Variants in RUFY3 observed in about 807,000 individuals in gnomAD.
RUFY3 encodes protein RUFY3.
RUFY3 carries 34 observed loss-of-function variants against 84.0 expected under a neutral mutation model. The observed-to-expected ratio is 0.40, with a 90% confidence interval of 0.31 to 0.54. The LOEUF is 0.54. Ranked by LOEUF, RUFY3 falls within the 20% of genes least tolerant of loss-of-function variation. RUFY3 has a pLI of 0.39. For synonymous variants in RUFY3, 242 were observed against 252.9 expected (o/e 0.96, Z 0.41); for missense variants, 507 against 736.8 (o/e 0.69, Z 3.61).
intron 1 of RUFY3, among the ~76,000 whole-genome samples, chr4:70,732,385 G>C (rs1341647077): frequency 6.6e-6 from 1 of 152,164 alleles, no homozygotes; most frequent in East Asian, 1.9e-4. Flanking sequence ...GGTGAACTCA[G>C]TGATTCCCTA....
intron 17 of RUFY3, among the ~76,000 whole-genome samples, chr4:70,805,835 T>C (rs1216041266): frequency 6.6e-6 from 1 of 152,216 alleles, no homozygotes; most frequent in Non-Finnish European, 1.5e-5. Context: ...GAAATTATTC[T>C]TTACAGCTTT....
intron 1 of RUFY3, among the ~76,000 whole-genome samples, chr4:70,707,306 T>C (rs747925668): frequency 2.6e-5 from 4 of 152,238 alleles, no homozygotes; most frequent in Non-Finnish European, 5.9e-5. Context: ...TCGCCCAGGC[T>C]GGAGTGCAGT....
intron 1 of RUFY3, among the ~76,000 whole-genome samples, chr4:70,736,406 G>A (rs139425513): frequency 4.6e-5 from 7 of 152,232 alleles, no homozygotes; most frequent in African/African-American, 1.7e-4. Flanking sequence ...TGTATACACT[G>A]AAGGTTCACT....
At chr4:70,724,327 G>C (rs1031104612) in intron 1 of RUFY3, among the ~76,000 whole-genome samples, 2 of 152,108 alleles carry the variant, frequency 1.3e-5, no homozygotes, top group Non-Finnish European at 2.9e-5. Context: ...CGTCCAATTT[G>C]AGAGTTATAC....
chr4:70,800,008 G>A (rs1180879464), intron 14 of RUFY3, 133 bp from the exon 15 acceptor site: 7 of 702,406 alleles, frequency 1.0e-5, no homozygotes, highest in Non-Finnish European at 1.7e-5. Flanking sequence ...TAGCTTGAAA[G>A]TTAGATCCCT....
chr4:70,763,976 A>C (rs1051397951), intron 3 of RUFY3, among the ~76,000 whole-genome samples: 5 of 152,140 alleles, frequency 3.3e-5, no homozygotes, highest in Non-Finnish European at 7.4e-5. Flanking sequence ...TGACTTAGGG[A>C]AAAAAGGTAT....
intron 1 of RUFY3, among the ~76,000 whole-genome samples, chr4:70,709,791 G>T (rs139727292): frequency 6.6e-6 from 1 of 152,068 alleles, no homozygotes; most frequent in African/African-American, 2.4e-5. Flanking sequence ...CCACAACTAC[G>T]GCAAACATTG....
Position 70,784,845 on chromosome 4 carries a change from G to C in RUFY3, c.1037G>C (p.Arg346Thr), listed in dbSNP as rs1467903614. The C allele has an allele frequency of 6.2e-7, 1 of 1,607,280 alleles. No homozygotes were observed. Among genetic ancestry groups the C allele is most frequent in the Admixed American group, 1.7e-5 (1 of 58,958 alleles). Residue 346 changes from arginine (R) to threonine (T), a missense_variant, in exon 10 of 18, where the codon AGA (arginine) becomes ACA (threonine). Physicochemically the swap from Arg to Thr is moderately conservative, Grantham distance 71. Transcript: ENST00000381006. ...GAAGGGCAAGCACTAAGTGAAGCAAGAAAGCATTTAAAAGAAGAGACACAA... is the reference window on the plus strand; with the variant it reads ...GAAGGGCAAGCACTAAGTGAAGCAACAAAGCATTTAAAAGAAGAGACACAA... ...TAEGQALSEA[R>T]KHLKEETQLR...
At chr4:70,791,982 G>A (rs1301928796) in intron 12 of RUFY3, 1 of 984,102 alleles carries the variant, frequency 1.0e-6, no homozygotes, top group Admixed American at 6.2e-5. Flanking sequence ...TAGTAATTAG[G>A]TAACCTATGA....
At chr4:70,748,962 G>C (rs947541422) in intron 1 of RUFY3, among the ~76,000 whole-genome samples, 4 of 152,204 alleles carry the variant, frequency 2.6e-5, no homozygotes, top group Admixed American at 6.5e-5. Flanking sequence ...GAAGAATGAG[G>C]ATTTCCCCCA....
chr4:70,802,803 A>G (rs1732390650), intron 15 of RUFY3, 153 bp from the exon 16 acceptor site: 1 of 506,192 alleles, frequency 2.0e-6, no homozygotes, highest in Admixed American at 3.8e-5. Context: ...TTGGAGGTCA[A>G]AATTAATAAT....
Position 70,773,609 on chromosome 4 carries a change from T to G in RUFY3, c.758+37T>G, listed in dbSNP as rs115381829. 9.3e-4 allele frequency: 1,364 copies of G among 1,462,110 alleles called. 8 individuals carry two copies. The African/African-American group carries it at 0.017, about 18-fold the overall frequency. 90.6% of individuals were successfully genotyped at this position (1,462,110 alleles called of 1,614,324 possible). ...GAAAATTAGATTTCTTTTCTCCTGA[T>G]GTAGCATTTTTTTTCCTTTGGTGGT... On this transcript the variant is annotated intron_variant, in intron 6 of 17. Transcript: ENST00000381006.
intron 1 of RUFY3, among the ~76,000 whole-genome samples, chr4:70,734,059 G>T (rs1230816298): frequency 6.6e-6 from 1 of 152,074 alleles, no homozygotes; most frequent in Non-Finnish European, 1.5e-5. Flanking sequence ...TACTGCTTTA[G>T]ATTCAATTTC....
At chr4:70,746,965 A>G (rs1722335028) in intron 1 of RUFY3, among the ~76,000 whole-genome samples, 2 of 152,182 alleles carry the variant, frequency 1.3e-5, no homozygotes, top group African/African-American at 4.8e-5. Context: ...CGTGATGGAA[A>G]TGTTCAGTGT....
intron 4 of RUFY3, among the ~76,000 whole-genome samples, chr4:70,768,224 C>G (rs73824890): frequency 0.027 from 4,097 of 152,256 alleles, 80 homozygotes; most frequent in Middle Eastern, 0.054. Flanking sequence ...GTCTGAATAC[C>G]TGCTTCAACC....
intron 4 of RUFY3, among the ~76,000 whole-genome samples, chr4:70,767,162 C>T (rs547335956): frequency 1.5e-4 from 22 of 151,420 alleles, no homozygotes; most frequent in African/African-American, 4.1e-4. Flanking sequence ...CTCAGCTCAC[C>T]GCAATCTCCG....
chr4:70,741,489 C>T (rs921808403), intron 1 of RUFY3: 2 of 574,710 alleles, frequency 3.5e-6, no homozygotes, highest in East Asian at 3.2e-5. Flanking sequence ...CACTGTTAAT[C>T]GCTGTGATAA....
intron 1 of RUFY3, among the ~76,000 whole-genome samples, chr4:70,735,830 T>C (rs550250278): frequency 6.6e-6 from 1 of 152,094 alleles, no homozygotes; most frequent in Admixed American, 6.5e-5. Flanking sequence ...CTACTAAAAC[T>C]ACAAAATATT....
At chr4:70,742,616 A>C (rs1337743528) in intron 1 of RUFY3, among the ~76,000 whole-genome samples, 1 of 152,206 alleles carries the variant, frequency 6.6e-6, no homozygotes, top group Non-Finnish European at 1.5e-5. Context: ...TTGGAGCTTA[A>C]GGAAGGCTTT....
Sources: allele counts gnomAD v4.1 joint callset (sites outside exome capture counted in the v4.1 genomes callset), GRCh38; gene constraint gnomAD v4.1.1; transcripts MANE v1.5; gene names NCBI Gene and HGNC (gene_info 2026-07-23, HGNC 2026-07-21).